The following BBX variants were observed in gnomAD, a reference collection of about 807,000 sequenced individuals.
The protein encoded by BBX is HMG box transcription factor BBX.
A neutral mutation model predicts 100.2 loss-of-function variants in BBX; 30 were observed. The observed-to-expected ratio is 0.30, with a 90% confidence interval of 0.22 to 0.41. The LOEUF (loss-of-function observed/expected upper bound fraction) is 0.41, where lower values mean the gene tolerates loss of function less well. Among genes scored for constraint, BBX ranks in the 10% least tolerant of loss-of-function variants. BBX has a pLI of 1.00. For missense variants in BBX, 1,023 were observed against 1,129.8 expected (o/e 0.91, Z 1.35); for synonymous variants, 376 against 388.1 (o/e 0.97, Z 0.37).
At chr3:107,629,526 C>T (rs762710421) in intron 2 of BBX, among the ~76,000 whole-genome samples, 2 of 152,134 alleles carry the variant, frequency 1.3e-5, no homozygotes, top group African/African-American at 2.4e-5. Context: ...ATCTCCCCTG[C>T]TCATTGGTAT....
rs1178953794 is a variant in BBX, at chr3:107,584,119, AAT to A, written c.-84+57730_-84+57731del. ...ATTATATATATTATATATTATATAT[AAT>A]ATATATATTATTATATATATTATAT... On this transcript the variant is annotated intron_variant, in intron 2 of 17. Transcript: ENST00000325805. Among the ~76,000 whole-genome samples the A allele has an allele frequency of 7.4e-4, 19 of 25,670 alleles. 1 individual carries two copies. The highest frequency in any genetic ancestry group is 2.8e-3 in the East Asian group (6 of 2,166). 16.8% of individuals were successfully genotyped at this position (25,670 alleles called of 152,430 possible).
At chr3:107,799,584 T>C (rs2070193006) in intron 16 of BBX, among the ~76,000 whole-genome samples, 1 of 152,134 alleles carries the variant, frequency 6.6e-6, no homozygotes, top group Admixed American at 6.5e-5. Context: ...TATTTGACCA[T>C]GGTCTGCTGT....
intron 2 of BBX, among the ~76,000 whole-genome samples, chr3:107,598,430 C>T (rs1216660564): frequency 6.6e-6 from 1 of 152,196 alleles, no homozygotes; most frequent in Non-Finnish European, 1.5e-5. Flanking sequence ...GCTAGTCTTA[C>T]TCACATTGAC....
chr3:107,685,497 G>C (rs765204950), intron 3 of BBX, among the ~76,000 whole-genome samples: 1 of 152,200 alleles, frequency 6.6e-6, no homozygotes, highest in Non-Finnish European at 1.5e-5. Context: ...TAGAAGATAC[G>C]CTATTCCCTT....
In BBX at chr3:107,697,845, G is replaced by C. The variant is rs578165795; in HGVS notation, c.-9-12607G>C. Among the ~76,000 whole-genome samples the C allele has an allele frequency of 7.0e-4, 107 of 152,012 alleles. 2 individuals are homozygous for C. Among genetic ancestry groups the C allele is most frequent in the African/African-American group, 2.0e-3 (82 of 41,296 alleles). Reference sequence around the variant, plus strand: ...CTCAGACTGCTGTGCTAGCAATCAGGGAGACTCCGTGGGCGTACGACCCTC... The same window carrying C: ...CTCAGACTGCTGTGCTAGCAATCAGCGAGACTCCGTGGGCGTACGACCCTC... On this transcript the variant is annotated intron_variant, in intron 3 of 17. Transcript: ENST00000325805.
At chr3:107,796,584 T>C (rs2069694914) in intron 15 of BBX, among the ~76,000 whole-genome samples, 1 of 152,210 alleles carries the variant, frequency 6.6e-6, no homozygotes, top group Non-Finnish European at 1.5e-5. Context: ...ATGCTCATTG[T>C]AAATTCAGAT....
chr3:107,632,563 G>C (rs1469783509), intron 2 of BBX, among the ~76,000 whole-genome samples: 1 of 151,920 alleles, frequency 6.6e-6, no homozygotes, highest in African/African-American at 2.4e-5. Context: ...TTAAGAGAAG[G>C]GTTCACACAA....
intron 4 of BBX, among the ~76,000 whole-genome samples, chr3:107,715,106 G>T (rs2062009988): frequency 6.6e-6 from 1 of 152,030 alleles, no homozygotes; most frequent in African/African-American, 2.4e-5. Flanking sequence ...AATACCAGTT[G>T]GATTAAGCAG....
chr3:107,594,926 A>G (rs1006381135), intron 2 of BBX, among the ~76,000 whole-genome samples: 1 of 152,086 alleles, frequency 6.6e-6, no homozygotes, highest in African/African-American at 2.4e-5. Flanking sequence ...AAGTTAAATA[A>G]TTTGCTCACA....
chr3:107,523,427 T>C (rs886733010), intron 1 of BBX: 1 of 152,996 alleles, frequency 6.5e-6, no homozygotes, highest in East Asian at 1.9e-4. Flanking sequence ...GCTGAGGCAG[T>C]GCCCTGCGAG....
chr3:107,790,444 G>A (rs1162423035), intron 14 of BBX, among the ~76,000 whole-genome samples: 1 of 152,098 alleles, frequency 6.6e-6, no homozygotes, highest in Non-Finnish European at 1.5e-5. Context: ...ACTTGAAAGG[G>A]CAGTAGAGAC....
intron 2 of BBX, among the ~76,000 whole-genome samples, chr3:107,610,653 G>T (rs1467376621): frequency 1.3e-5 from 2 of 151,918 alleles, no homozygotes; most frequent in Non-Finnish European, 2.9e-5. Context: ...TCTGATATAG[G>T]TATAGCCACT....
chr3:107,768,541 T>C (rs1381075662), intron 10 of BBX, among the ~76,000 whole-genome samples: 1 of 152,210 alleles, frequency 6.6e-6, no homozygotes, highest in Non-Finnish European at 1.5e-5. Flanking sequence ...CTTTATTTAA[T>C]GTGTGTATAA....
intron 2 of BBX, among the ~76,000 whole-genome samples, chr3:107,567,843 A>G (rs2051037098): frequency 1.3e-5 from 2 of 152,116 alleles, no homozygotes; most frequent in African/African-American, 4.8e-5. Flanking sequence ...TGGTTTGAAT[A>G]GCATACATTC....
intron 17 of BBX, among the ~76,000 whole-genome samples, chr3:107,801,996 G>T (rs1406853578): frequency 6.6e-6 from 1 of 152,218 alleles, no homozygotes; most frequent in Non-Finnish European, 1.5e-5. Flanking sequence ...TCATAGATGT[G>T]AAAACCCTTT....
chr3:107,538,119 T>C (rs615876), intron 2 of BBX, among the ~76,000 whole-genome samples: 15,251 of 152,288 alleles, frequency 0.1, 888 homozygotes, highest in Non-Finnish European at 0.12. Flanking sequence ...GTTTCGTATG[T>C]GGACATGCAT....
At chr3:107,703,713 A>G (rs2061223644) in intron 3 of BBX, among the ~76,000 whole-genome samples, 1 of 152,212 alleles carries the variant, frequency 6.6e-6, no homozygotes, top group Non-Finnish European at 1.5e-5. Context: ...TGAGAGTATT[A>G]CTTTATTGAA....
At chr3:107,736,774 G>C (rs549119448) in intron 7 of BBX, among the ~76,000 whole-genome samples, 2 of 152,192 alleles carry the variant, frequency 1.3e-5, no homozygotes, top group South Asian at 4.1e-4. Flanking sequence ...ATCTCAGAAA[G>C]GATGACATCC....
At chr3:107,757,364 T>G (rs1410483729) in intron 10 of BBX, among the ~76,000 whole-genome samples, 1 of 152,132 alleles carries the variant, frequency 6.6e-6, no homozygotes, top group Non-Finnish European at 1.5e-5. Flanking sequence ...TTTGTAGGGA[T>G]GCATCCCAAA....
Sources: allele counts gnomAD v4.1 joint callset (sites outside exome capture counted in the v4.1 genomes callset), GRCh38; gene constraint gnomAD v4.1.1; transcripts MANE v1.5; gene names NCBI Gene and HGNC (gene_info 2026-07-23, HGNC 2026-07-21).